Variants in MXI1 observed in about 807,000 individuals in gnomAD.
MXI1 encodes MAX interactor 1, dimerization protein, also known as max-interacting protein 1.
MXI1 carries 18 observed loss-of-function variants against 36.9 expected under a neutral mutation model. The observed-to-expected ratio is 0.49, with a 90% CI of 0.34 to 0.72. MXI1 has a LOEUF of 0.72. Ranked by LOEUF, MXI1 falls within the 30% of genes least tolerant of loss-of-function variation. MXI1 has a pLI of 0.01. For missense variants in MXI1, 304 were observed against 379.1 expected (o/e 0.80, Z 1.64); for synonymous variants, 160 against 146.7 (o/e 1.09, Z -0.65).
At position 110,230,246 on chromosome 10, in the gene MXI1, T is replaced by TA. The variant is rs1855211340; in HGVS notation, c.407+1926dup. 2.0e-5 allele frequency among the ~76,000 whole-genome samples: 3 copies of TA among 152,364 alleles called. No individual in the cohort carries two copies. The South Asian group carries it at 6.2e-4, about 32-fold the overall frequency. Reference sequence around the variant, plus strand: ...AGAAACTCTTAGTCATCTGTTGACTTACGCTTTGCTCAGCTTGGGGTTTGG... The same window carrying TA: ...AGAAACTCTTAGTCATCTGTTGACTTAACGCTTTGCTCAGCTTGGGGTTTGG... On this transcript the variant is annotated intron_variant, in intron 2 of 5. Transcript: ENST00000332674.
chr10:110,275,806 A>G (rs1353702508), intron 3 of MXI1, among the ~76,000 whole-genome samples: 1 of 152,238 alleles, frequency 6.6e-6, no homozygotes, highest in Non-Finnish European at 1.5e-5. Context: ...TTCACTGTTC[A>G]TCTTTCATAT....
intron 2 of MXI1, 143 bp from the exon 3 acceptor site, chr10:110,244,685 C>T (rs1420145654): frequency 1.5e-5 from 9 of 606,514 alleles, no homozygotes; most frequent in East Asian, 1.1e-4. Context: ...TATTTCCTCT[C>T]GATGAGTGAG....
At chr10:110,260,850 C>T in intron 3 of MXI1, 1 of 253,084 alleles carries the variant, frequency 4.0e-6, no homozygotes, top group Non-Finnish European at 6.2e-6. Flanking sequence ...TTACCACTGA[C>T]TTCTAAGGAA....
At chr10:110,257,660 A>G (rs1856362643) in intron 3 of MXI1, 1 of 161,680 alleles carries the variant, frequency 6.2e-6, no homozygotes, top group African/African-American at 2.4e-5. Context: ...TTTTTTAAGC[A>G]CTCTAAGAAC....
At position 110,209,467 on chromosome 10, in the gene MXI1, G is replaced by C. The variant is rs555038444; in HGVS notation, c.274+1385G>C. 1.6e-3 allele frequency among the ~76,000 whole-genome samples: 241 copies of C among 152,322 alleles called. 4 individuals are homozygous for C. The highest frequency in any genetic ancestry group is 6.0e-4 in the Non-Finnish European group (41 of 68,032). ...GCTGACTGATACCCCAGGTCTTCAG[G>C]GTTAAAGGAACCGTGTGTTGGCAGC... is the stretch of plus-strand genomic sequence containing the variant. On this transcript the variant is annotated intron_variant, in intron 1 of 5. Coordinates refer to ENST00000332674, the MANE Select transcript of MXI1 (RefSeq NM_130439.3).
At chr10:110,283,910 G>A (rs568753977) in intron 5 of MXI1, among the ~76,000 whole-genome samples, 106 of 151,780 alleles carry the variant, frequency 7.0e-4, no homozygotes, top group African/African-American at 2.5e-3. Context: ...GGCCTCCCGA[G>A]TAGCTGGGAC....
rs548524173 is a variant in MXI1, at chr10:110,210,020, G to C, written c.274+1938G>C. The stretch of plus-strand genomic sequence containing the variant: ...CACTTCGCACCCGCAGACAATCGGA[G>C]ACCTCCCCCTGCCCCACCCCCCACC... On this transcript the variant is annotated intron_variant, in intron 1 of 5. Transcript: ENST00000332674. Among the ~76,000 whole-genome samples the C allele has an allele frequency of 1.5e-3, 216 of 143,558 alleles. 1 individual carries two copies. The highest frequency in any genetic ancestry group is 4.3e-3 in the Admixed American group (62 of 14,444). The allele number at this position is 143,558 out of a possible 152,430, so 94.2% of individuals were successfully genotyped here.
At chr10:110,228,692 G>A (rs1855150573) in intron 2 of MXI1, among the ~76,000 whole-genome samples, 1 of 152,092 alleles carries the variant, frequency 6.6e-6, no homozygotes, top group African/African-American at 2.4e-5. Flanking sequence ...AATAGGTCTG[G>A]CAGGGTATAA....
intron 2 of MXI1, among the ~76,000 whole-genome samples, chr10:110,240,573 A>C (rs1855635146): frequency 6.6e-6 from 1 of 152,090 alleles, no homozygotes; most frequent in African/African-American, 2.4e-5. Flanking sequence ...TACCGTCTTA[A>C]AAGAAGAATA....
intron 4 of MXI1, 97 bp from the exon 5 acceptor site, chr10:110,279,817 A>C: frequency 1.2e-6 from 1 of 836,460 alleles, no homozygotes; most frequent in East Asian, 2.8e-5. Flanking sequence ...ACACTCACAC[A>C]TGTATATTCA....
At chr10:110,268,032 A>G (rs545737825) in intron 3 of MXI1, among the ~76,000 whole-genome samples, 14 of 152,338 alleles carry the variant, frequency 9.2e-5, no homozygotes, top group African/African-American at 2.9e-4. Flanking sequence ...TTTAACCTCC[A>G]TACTCTACTG....
chr10:110,229,538 T>C (rs543838222), intron 2 of MXI1, among the ~76,000 whole-genome samples: 11 of 152,344 alleles, frequency 7.2e-5, no homozygotes, highest in East Asian at 5.8e-4. Context: ...GATTCACTTT[T>C]CTCCTTTGAC....
chr10:110,207,709 C>T lies in MXI1; in HGVS notation c.-100C>T. The T allele has an allele frequency of 1.3e-6, 1 of 794,944 alleles. No homozygotes were observed. Among genetic ancestry groups the T allele is most frequent in the Non-Finnish European group, 1.5e-6 (1 of 646,368 alleles). 49.2% of individuals were successfully genotyped at this position (794,944 alleles called of 1,614,324 possible). ...GTCAGGCCGGCTTTTCGCCCCGGCG[C>T]CTTCTCTGCTCCAGCCGGCCGGGTC... On this transcript the variant is annotated 5_prime_UTR_variant, in exon 1 of 6. Coordinates refer to ENST00000332674, the MANE Select transcript of MXI1 (RefSeq NM_130439.3).
intron 3 of MXI1, among the ~76,000 whole-genome samples, chr10:110,267,834 A>G (rs1488983590): frequency 5.3e-5 from 8 of 152,228 alleles, no homozygotes; most frequent in Non-Finnish European, 1.0e-4. Context: ...CTGATTTGCA[A>G]TGTTCAAGAA....
intron 1 of MXI1, among the ~76,000 whole-genome samples, chr10:110,225,426 G>A (rs1486063058): frequency 6.6e-6 from 1 of 152,098 alleles, no homozygotes; most frequent in East Asian, 1.9e-4. Context: ...GTGGAAGAAG[G>A]GCTTCATGGA....
chr10:110,253,783 G>GT (rs1394270606), intron 3 of MXI1, among the ~76,000 whole-genome samples: 3 of 151,984 alleles, frequency 2.0e-5, no homozygotes, highest in African/African-American at 7.3e-5. Flanking sequence ...TTTAGCCTTG[G>GT]TTTTTACTAA....
intron 2 of MXI1, among the ~76,000 whole-genome samples, chr10:110,232,469 A>G (rs1333076732): frequency 6.6e-6 from 1 of 152,160 alleles, no homozygotes; most frequent in Non-Finnish European, 1.5e-5. Context: ...AGGTCTTCAC[A>G]TACTTCATGG....
At chr10:110,258,051 A>C (rs964124329) in intron 3 of MXI1, among the ~76,000 whole-genome samples, 3 of 152,228 alleles carry the variant, frequency 2.0e-5, no homozygotes, top group Admixed American at 1.3e-4. Context: ...TAGTTTTATA[A>C]ATTTCATTTA....
chr10:110,248,389 T>G (rs753620832), intron 3 of MXI1, among the ~76,000 whole-genome samples: 1 of 152,206 alleles, frequency 6.6e-6, no homozygotes, highest in Non-Finnish European at 1.5e-5. Context: ...ATTTTGCAGA[T>G]TATTTCTGAC....
Sources: gnomAD v4.1 joint callset for allele counts (sites outside exome capture counted in the v4.1 genomes callset) on GRCh38, gnomAD v4.1.1 for gene constraint, MANE v1.5 for transcripts, NCBI Gene and HGNC (gene_info 2026-07-23, HGNC 2026-07-21) for gene names.